Variants in EVI5 observed in about 807,000 individuals in gnomAD.
The protein encoded by EVI5 is ecotropic viral integration site 5 protein homolog.
In EVI5, 73 loss-of-function variants were observed where a neutral mutation model predicts 112.0. That is an observed-to-expected ratio of 0.65 (90% CI 0.54 to 0.79). EVI5 has a LOEUF of 0.79. Among genes scored for constraint, EVI5 ranks in the 30% least tolerant of loss-of-function variants. The probability of loss-of-function intolerance (pLI) is 0.00; values close to 1 mark genes in which losing one functional copy is unlikely to be tolerated. For synonymous variants in EVI5, 305 were observed against 319.9 expected, an observed-to-expected ratio of 0.95 and a Z score of 0.50; for missense variants, 900 against 968.8, an observed-to-expected ratio of 0.93 and a Z score of 0.94.
chr1:92,615,712 C>T (rs2101687827), intron 16 of EVI5, among the ~76,000 whole-genome samples: 1 of 152,128 alleles, frequency 6.6e-6, no homozygotes, highest in Admixed American at 6.5e-5. Context: ...GAGGCAGTTG[C>T]CAGGGAAGAT....
chr1:92,737,767 G>A (rs1433494868), intron 1 of EVI5, among the ~76,000 whole-genome samples: 6 of 152,018 alleles, frequency 3.9e-5, no homozygotes, highest in East Asian at 1.9e-4. Context: ...TTCCATGTAC[G>A]GAAAGGATAA....
intron 16 of EVI5, among the ~76,000 whole-genome samples, chr1:92,610,248 C>T (rs1557894528): frequency 6.6e-6 from 1 of 152,096 alleles, no homozygotes; most frequent in South Asian, 2.1e-4. Flanking sequence ...TTCTTAGTGC[C>T]GTATTCAAAA....
At chr1:92,674,290 GC>G (rs990671738) in intron 10 of EVI5, among the ~76,000 whole-genome samples, 3 of 152,004 alleles carry the variant, frequency 2.0e-5, no homozygotes, top group African/African-American at 7.3e-5. Flanking sequence ...CAACCCAAAT[GC>G]CCATCAATGA....
intron 14 of EVI5, among the ~76,000 whole-genome samples, chr1:92,628,841 T>G (rs894029570): frequency 2.0e-5 from 3 of 152,252 alleles, no homozygotes; most frequent in Non-Finnish European, 4.4e-5. Flanking sequence ...TACACTTTCT[T>G]ATAATGGACT....
At chr1:92,574,544 G>GC (rs2101020913) in intron 18 of EVI5, among the ~76,000 whole-genome samples, 2 of 152,278 alleles carry the variant, frequency 1.3e-5, no homozygotes, top group South Asian at 4.1e-4. Flanking sequence ...GTTGCTTTGA[G>GC]CAAGTGTTTG....
chr1:92,721,068 C>T (rs1674668226), intron 2 of EVI5, among the ~76,000 whole-genome samples: 1 of 152,160 alleles, frequency 6.6e-6, no homozygotes, highest in African/African-American at 2.4e-5. Flanking sequence ...AATGCTTTTA[C>T]ACTGTTGGTG....
chr1:92,711,685 G>A (rs1427694237), intron 2 of EVI5, among the ~76,000 whole-genome samples: 1 of 152,138 alleles, frequency 6.6e-6, no homozygotes, highest in East Asian at 1.9e-4. Context: ...TATTACGGAG[G>A]AGGCAACTTT....
At chr1:92,790,415 A>G (rs1287550427) in intron 1 of EVI5, among the ~76,000 whole-genome samples, 1 of 152,144 alleles carries the variant, frequency 6.6e-6, no homozygotes, top group African/African-American at 2.4e-5. Flanking sequence ...GCACAAATAT[A>G]GAACATTTCC....
rs181991150 is a variant in EVI5, at chr1:92,780,350, C to T, written c.-82+4486G>A. Among the ~76,000 whole-genome samples the T allele has an allele frequency of 2.0e-5, 3 of 152,346 alleles. No homozygotes were observed. The East Asian group carries it at 5.8e-4, about 29-fold the overall frequency. On this transcript the variant is annotated intron_variant, in intron 1 of 19. Transcript: ENST00000684568. ...AGAACAGACTAATACACCTGTGAGA[C>T]TCCAGACTCAAGAAAAGTAAAGTAA...
At chr1:92,704,915 AT>A (rs907093845) in intron 2 of EVI5, among the ~76,000 whole-genome samples, 171 bp from the exon 3 acceptor site, 1 of 152,100 alleles carries the variant, frequency 6.6e-6, no homozygotes, top group African/African-American at 2.4e-5. Context: ...TTACTGCTAT[AT>A]TTTTTTCACC....
At chr1:92,775,434 A>AG (rs1203535342) in intron 1 of EVI5, among the ~76,000 whole-genome samples, 1 of 152,102 alleles carries the variant, frequency 6.6e-6, no homozygotes, top group East Asian at 1.9e-4. Context: ...TTCAAAAAAA[A>AG]AAAAAAAGAG....
At chr1:92,664,558 A>C (rs1664565873) in intron 11 of EVI5, among the ~76,000 whole-genome samples, 1 of 152,066 alleles carries the variant, frequency 6.6e-6, no homozygotes, top group African/African-American at 2.4e-5. Flanking sequence ...AAGAGTATAT[A>C]ATTAAAACAA....
chr1:92,519,657 C>T (rs552584488), intron 19 of EVI5, among the ~76,000 whole-genome samples: 2 of 152,142 alleles, frequency 1.3e-5, no homozygotes, highest in African/African-American at 2.4e-5. Flanking sequence ...CTTTGGGAGG[C>T]TGAGGTGGGT....
intron 10 of EVI5, among the ~76,000 whole-genome samples, chr1:92,673,315 T>G (rs1666192102): frequency 6.6e-6 from 1 of 151,764 alleles, no homozygotes; most frequent in Non-Finnish European, 1.5e-5. Context: ...TACTTTTGAC[T>G]AAAAACTGGC....
chr1:92,554,138 TTAGA>T (rs1225849667), intron 19 of EVI5, among the ~76,000 whole-genome samples: 1 of 152,210 alleles, frequency 6.6e-6, no homozygotes, highest in Non-Finnish European at 1.5e-5. Flanking sequence ...TTCTGCAGTC[TTAGA>T]TAGAATAGAA....
intron 19 of EVI5, among the ~76,000 whole-genome samples, chr1:92,542,899 A>G (rs1352561036): frequency 1.3e-5 from 2 of 152,160 alleles, no homozygotes; most frequent in Non-Finnish European, 2.9e-5. Context: ...TGGGCTTAAA[A>G]TATTTATTTT....
At chr1:92,789,487 A>G (rs1685927943), upstream of EVI5, among the ~76,000 whole-genome samples, 1 of 152,110 alleles carries the variant, frequency 6.6e-6, no homozygotes, top group South Asian at 2.1e-4. Flanking sequence ...TATTTTTAGT[A>G]GAAACGGGGT....
At chr1:92,743,221 C>T (rs1452153215) in intron 1 of EVI5, among the ~76,000 whole-genome samples, 3 of 152,012 alleles carry the variant, frequency 2.0e-5, no homozygotes, top group Non-Finnish European at 2.9e-5. Flanking sequence ...GGCACGGTGG[C>T]GAGCGCCTGT....
intron 5 of EVI5, among the ~76,000 whole-genome samples, chr1:92,698,685 A>G (rs1038707121): frequency 5.3e-5 from 8 of 152,224 alleles, no homozygotes; most frequent in African/African-American, 1.9e-4. Flanking sequence ...AGAGGACTGT[A>G]GAGGCCACTG....
Sources: allele counts gnomAD v4.1 joint callset (sites outside exome capture counted in the v4.1 genomes callset), GRCh38; gene constraint gnomAD v4.1.1; transcripts MANE v1.5; gene names NCBI Gene and HGNC (gene_info 2026-07-23, HGNC 2026-07-21).